The following MAOA variants were observed in gnomAD, a reference collection of about 807,000 sequenced individuals.
MAOA encodes monoamine oxidase A.
Under a neutral mutation model 42.0 loss-of-function variants are expected in MAOA, and 6 were observed. That is an observed-to-expected ratio of 0.14 (90% CI 0.08 to 0.28). MAOA has a LOEUF of 0.28. MAOA is among the 10% of genes least tolerant of loss of function. MAOA has a pLI of 1.00. For synonymous variants in MAOA, 140 were observed against 154.0 expected (o/e 0.91, Z 0.67); for missense variants, 262 against 422.3 (o/e 0.62, Z 3.33).
chrX:43,739,304 CCTAAATATCCAT>C (rs1161671209), intron 10 of MAOA, among the ~76,000 whole-genome samples: 20 of 112,023 alleles, frequency 1.8e-4, no homozygotes, highest in African/African-American at 6.5e-4. Flanking sequence ...TAACTATCCA[CCTAAATATCCAT>C]CTAATGTTGC....
At chrX:43,726,080 C>G (rs777097550) in intron 5 of MAOA, among the ~76,000 whole-genome samples, 1 of 111,601 alleles carries the variant, frequency 9.0e-6, no homozygotes, top group African/African-American at 3.3e-5. Context: ...GTAACTCGAC[C>G]TTTCTGTCTG....
chrX:43,703,688 A>C, intron 3 of MAOA, among the ~76,000 whole-genome samples: 1 of 111,942 alleles, frequency 8.9e-6, no homozygotes, highest in Admixed American at 9.5e-5. Context: ...TTGCAAAAAC[A>C]GGGCATTTGG....
At chrX:43,675,230 C>T (rs1375988446) in intron 1 of MAOA, among the ~76,000 whole-genome samples, 3 of 112,075 alleles carry the variant, frequency 2.7e-5, no homozygotes, top group Middle Eastern at 4.6e-3. Context: ...CAGCTGATCG[C>T]ATCGGCTCCT....
chrX:43,661,488 G>C (rs2033233035), intron 1 of MAOA, among the ~76,000 whole-genome samples: 2 of 111,499 alleles, frequency 1.8e-5, no homozygotes, highest in Admixed American at 1.9e-4. Flanking sequence ...ATACCATACA[G>C]GAGAGACTAG....
intron 5 of MAOA, among the ~76,000 whole-genome samples, chrX:43,718,606 G>A (rs1354787066): frequency 9.1e-6 from 1 of 109,825 alleles, no homozygotes; most frequent in Non-Finnish European, 1.9e-5. Flanking sequence ...ACTATGGGTG[G>A]TGGGGGAGAC....
chrX:43,693,543 T>A, intron 3 of MAOA, 115 bp downstream of exon 3: 1 of 803,403 alleles, frequency 1.2e-6, no homozygotes, highest in Non-Finnish European at 1.9e-6. Flanking sequence ...GGCTCTTGAC[T>A]TTGAAGTAGT....
At chrX:43,699,354 A>G (rs1243080030) in intron 3 of MAOA, among the ~76,000 whole-genome samples, 1 of 91,708 alleles carries the variant, frequency 1.1e-5, no homozygotes, top group Admixed American at 1.2e-4. Flanking sequence ...GTTGGATTCC[A>G]TTTTTTTTTT....
chrX:43,659,662 A>G (rs1030148215), intron 1 of MAOA, among the ~76,000 whole-genome samples: 3 of 111,062 alleles, frequency 2.7e-5, no homozygotes, highest in Non-Finnish European at 5.7e-5. Flanking sequence ...CCCATAGCTT[A>G]TCTGCTCCTG....
chrX:43,676,111 C>A (rs986950073), intron 1 of MAOA, among the ~76,000 whole-genome samples: 1 of 112,404 alleles, frequency 8.9e-6, no homozygotes, highest in East Asian at 2.8e-4. Flanking sequence ...TTCAAGCTTC[C>A]CGGCTGCTTT....
Position 43,671,366 on chromosome X carries a change from C to T in MAOA, c.74-12147C>T, listed in dbSNP as rs1225848286. Reference sequence around the variant, plus strand: ...AGCCCTTTGTCAGATGAGTAGGTTGCAAAAATTTTCTCCCATTCTGTAGGT... The same window carrying T: ...AGCCCTTTGTCAGATGAGTAGGTTGTAAAAATTTTCTCCCATTCTGTAGGT... On this transcript the variant is annotated intron_variant, in intron 1 of 14. Transcript: ENST00000338702. 4.5e-5 allele frequency among the ~76,000 whole-genome samples: 5 copies of T among 111,962 alleles called. No individual in the cohort carries two copies. In the South Asian group the frequency reaches 1.1e-3, roughly 25 times the overall value.
intron 1 of MAOA, among the ~76,000 whole-genome samples, chrX:43,675,328 A>G (rs1437567882): frequency 1.3e-4 from 14 of 111,597 alleles, no homozygotes; most frequent in Non-Finnish European, 7.5e-5. Flanking sequence ...TGGTTATTCT[A>G]GTTATACATT....
intron 3 of MAOA, among the ~76,000 whole-genome samples, chrX:43,696,723 G>A (rs193063952): frequency 0.01 from 1,066 of 102,104 alleles, 17 homozygotes; most frequent in African/African-American, 0.035. Context: ...GTGACAGAGC[G>A]AGACTCCGTC....
intron 9 of MAOA, among the ~76,000 whole-genome samples, chrX:43,735,689 G>A (rs915074742): frequency 5.3e-5 from 6 of 112,689 alleles, no homozygotes; most frequent in Admixed American, 1.9e-4. Flanking sequence ...GTCTTCAACC[G>A]CATCTAGGTC....
intron 3 of MAOA, among the ~76,000 whole-genome samples, chrX:43,696,585 C>T (rs1008574152): frequency 2.7e-5 from 3 of 110,203 alleles, no homozygotes; most frequent in African/African-American, 6.6e-5. Flanking sequence ...AAAAATTAGC[C>T]GGGCGTGCTG....
intron 2 of MAOA, among the ~76,000 whole-genome samples, chrX:43,686,158 T>C (rs1335637303): frequency 1.8e-5 from 2 of 112,208 alleles, no homozygotes; most frequent in Non-Finnish European, 3.8e-5. Flanking sequence ...ACTTTGGAGA[T>C]AGTTATTAAG....
intron 5 of MAOA, among the ~76,000 whole-genome samples, chrX:43,721,251 C>G (rs759036773): frequency 9.0e-6 from 1 of 111,187 alleles, no homozygotes; most frequent in Non-Finnish European, 1.9e-5. Context: ...CAGGGACAAG[C>G]TTTTGTGAAG....
At chrX:43,695,221 G>A (rs1458511660) in intron 3 of MAOA, among the ~76,000 whole-genome samples, 2 of 111,962 alleles carry the variant, frequency 1.8e-5, no homozygotes, top group African/African-American at 6.5e-5. Context: ...TCTACAGTAA[G>A]GTATCTCACT....
At chrX:43,665,843 T>C (rs764023475) in intron 1 of MAOA, among the ~76,000 whole-genome samples, 53 of 110,964 alleles carry the variant, frequency 4.8e-4, no homozygotes, top group Non-Finnish European at 4.7e-4. Flanking sequence ...GATAGATAGA[T>C]AGATAGATAG....
intron 4 of MAOA, 92 bp downstream of exon 4, chrX:43,712,068 T>C: frequency 3.0e-6 from 2 of 664,497 alleles, no homozygotes; most frequent in South Asian, 4.6e-5. Context: ...AACATTGCTC[T>C]GGACACCAAT....
Sources: gnomAD v4.1 joint callset for allele counts (sites outside exome capture counted in the v4.1 genomes callset) on GRCh38, gnomAD v4.1.1 for gene constraint, MANE v1.5 for transcripts, NCBI Gene and HGNC (gene_info 2026-07-23, HGNC 2026-07-21) for gene names.